AEBP2: variants seen among roughly 807,000 people sequenced by gnomAD.
AEBP2 encodes the protein AE binding protein 2, also known as zinc finger protein AEBP2.
A neutral mutation model predicts 50.8 loss-of-function variants in AEBP2; 10 were observed. The ratio of observed to expected loss-of-function variants is 0.20; its 90% CI spans 0.12 to 0.33. The LOEUF (loss-of-function observed/expected upper bound fraction) is 0.33, where lower values mean the gene tolerates loss of function less well. Ranked by LOEUF, AEBP2 falls within the 10% of genes least tolerant of loss-of-function variation. AEBP2 has a pLI of 1.00. For missense variants in AEBP2, 570 were observed against 688.0 expected, an observed-to-expected ratio of 0.83 and a Z score of 1.92; for synonymous variants, 296 against 261.3, an observed-to-expected ratio of 1.13 and a Z score of -1.28.
intron 5 of AEBP2, among the ~76,000 whole-genome samples, chr12:19,506,542 G>A (rs1949158028): frequency 6.6e-6 from 1 of 152,198 alleles, no homozygotes; most frequent in African/African-American, 2.4e-5. Flanking sequence ...CACCACCACA[G>A]TTAAGATAGA....
intron 1 of AEBP2, among the ~76,000 whole-genome samples, chr12:19,414,177 C>T (rs537232090): frequency 1.3e-5 from 2 of 152,228 alleles, no homozygotes; most frequent in South Asian, 2.1e-4. Flanking sequence ...CAGGTGTGAG[C>T]CATTGCGCCC....
At chr12:19,453,781 A>G (rs1428940068) in intron 1 of AEBP2, among the ~76,000 whole-genome samples, 1 of 151,940 alleles carries the variant, frequency 6.6e-6, no homozygotes, top group Non-Finnish European at 1.5e-5. Context: ...TGTCAGTTTT[A>G]GCATCCAGTT....
chr12:19,461,632 C>T (rs1948380305), intron 1 of AEBP2, among the ~76,000 whole-genome samples: 1 of 152,062 alleles, frequency 6.6e-6, no homozygotes, highest in South Asian at 2.1e-4. Flanking sequence ...GCCTCAGCCT[C>T]CTGAGTAGCT....
chr12:19,439,621 G>C lies in AEBP2; in HGVS notation c.-79G>C. ...GCGTCGGCGGAGTTTTGGGCGTTTG[G>C]GAGGGGGGCGAGGGAGAGAGAGTCG... On this transcript the variant is annotated 5_prime_UTR_variant, in exon 1 of 8. Transcript: ENST00000266508. The C allele has an allele frequency of 6.8e-7, 1 of 1,474,884 alleles. No individual in the cohort carries two copies. Among genetic ancestry groups the C allele is most frequent in the Admixed American group, 2.1e-5 (1 of 46,672 alleles). The allele number at this position is 1,474,884 out of a possible 1,614,324, so 91.4% of individuals were successfully genotyped here. A position where few individuals can be genotyped will look rare whatever the true frequency, so the allele number is the denominator to read the frequency against.
intron 3 of AEBP2, among the ~76,000 whole-genome samples, chr12:19,481,563 T>C (rs4963541): frequency 0.52 from 78,953 of 151,364 alleles, 21,929 homozygotes; most frequent in Non-Finnish European, 0.64. Context: ...CCTCCCACCT[T>C]CACCTCCTGG....
intron 5 of AEBP2, among the ~76,000 whole-genome samples, chr12:19,510,789 C>T (rs1949221286): frequency 6.6e-6 from 1 of 151,456 alleles, no homozygotes; most frequent in East Asian, 1.9e-4. Context: ...TTAGAGATAC[C>T]CTAATGAGAC....
chr12:19,438,338 G>T (rs1458243064), upstream of AEBP2, among the ~76,000 whole-genome samples: 2 of 152,164 alleles, frequency 1.3e-5, no homozygotes, highest in Non-Finnish European at 1.5e-5. Context: ...GGCATTCAAA[G>T]AATTGTGTGG....
rs779615599 is a variant in AEBP2, at chr12:19,440,143, C to T, written c.444C>T (p.Ser148=). The part of the protein sequence containing the change: ...RSLSPGAASS[S]SGDGDGKEGL... ...TGAGCCCCGGCGCCGCCAGCAGCAG[C>T]AGCGGGGATGGGGACGGCAAGGAGG... is the stretch of plus-strand genomic sequence containing the variant. The change falls in exon 1 of 8, where the codon AGC becomes AGT. Residue 148 remains serine, a synonymous_variant. Transcript: ENST00000266508. The T allele has an allele frequency of 1.2e-5, 18 of 1,505,444 alleles. No homozygotes were observed. Among genetic ancestry groups the T allele is most frequent in the Non-Finnish European group, 1.5e-5 (17 of 1,133,926 alleles). The allele number at this position is 1,505,444 out of a possible 1,614,324, so 93.3% of individuals were successfully genotyped here. A position where few individuals can be genotyped will look rare whatever the true frequency, so the allele number is the denominator to read the frequency against.
chr12:19,433,579 A>C (rs1308629175), intron 1 of AEBP2, among the ~76,000 whole-genome samples: 1 of 152,018 alleles, frequency 6.6e-6, no homozygotes, highest in African/African-American at 2.4e-5. Flanking sequence ...CAGGAGTTTG[A>C]GACCAGCCTG....
chr12:19,435,303 C>T (rs944752540), upstream of AEBP2, among the ~76,000 whole-genome samples: 28 of 146,154 alleles, frequency 1.9e-4, no homozygotes, highest in African/African-American at 6.6e-4. Context: ...TTTCTTGAGA[C>T]GGTGTCATGC....
At position 19,521,177 on chromosome 12, in the gene AEBP2, T is replaced by C. The variant is rs1949392156; in HGVS notation, c.*3060T>C. 6.6e-6 allele frequency: 1 copy of C among 152,194 alleles called. No individual in the cohort carries two copies. The highest frequency in any genetic ancestry group is 1.5e-5 in the Non-Finnish European group (1 of 68,036). 9.4% of individuals were successfully genotyped at this position (152,194 alleles called of 1,614,324 possible). ...AAAAGTTTTCGATTCCTTTGTCTAG[T>C]TGACAAAAAGTTTGGAAACATAAAC... is the stretch of plus-strand genomic sequence containing the variant. On this transcript the variant is annotated 3_prime_UTR_variant, in exon 8 of 8. Transcript: ENST00000266508.
At chr12:19,465,065 A>G (rs1458167427) in intron 2 of AEBP2, among the ~76,000 whole-genome samples, 1 of 152,086 alleles carries the variant, frequency 6.6e-6, no homozygotes, top group Non-Finnish European at 1.5e-5. Flanking sequence ...ATATCACTTG[A>G]TTACCAATAA....
chr12:19,463,764 C>A (rs923019805), intron 2 of AEBP2, among the ~76,000 whole-genome samples: 1 of 150,066 alleles, frequency 6.7e-6, no homozygotes, highest in African/African-American at 2.5e-5. Flanking sequence ...GCCTCTGCCC[C>A]AAGTGATTCT....
At chr12:19,459,144 A>G (rs1056882206) in intron 1 of AEBP2, among the ~76,000 whole-genome samples, 4 of 152,360 alleles carry the variant, frequency 2.6e-5, no homozygotes, top group African/African-American at 9.6e-5. Flanking sequence ...TGTGCTTTAC[A>G]GTTGAATGTT....
intron 3 of AEBP2, among the ~76,000 whole-genome samples, chr12:19,481,028 G>A (rs968126827): frequency 6.7e-5 from 10 of 148,560 alleles, no homozygotes; most frequent in African/African-American, 2.2e-4. Context: ...GGGTTATTTC[G>A]AAAGCCTTGT....
Position 19,481,033 on chromosome 12 carries a change from C to T in AEBP2, c.987+7678C>T, listed in dbSNP as rs557251952. On this transcript the variant is annotated intron_variant, in intron 3 of 7. Transcript: ENST00000266508. ...TTGTCTGATTGGGTTATTTCGAAAG[C>T]CTTGTCTTTGAGCTCTGAAATTCTT... Among the ~76,000 whole-genome samples, 73 of 149,700 alleles carry T rather than the reference C, an allele frequency of 4.9e-4. No homozygotes were observed. The South Asian group carries it at 0.015, about 30-fold the overall frequency.
At chr12:19,503,430 A>C (rs186663873) in intron 5 of AEBP2, among the ~76,000 whole-genome samples, 1,809 of 152,018 alleles carry the variant, frequency 0.012, 42 homozygotes, top group African/African-American at 0.041. Flanking sequence ...TAGAAATGCT[A>C]CTGATTTTTG....
At chr12:19,446,524 T>G (rs1355797298) in intron 1 of AEBP2, among the ~76,000 whole-genome samples, 2 of 151,972 alleles carry the variant, frequency 1.3e-5, no homozygotes, top group African/African-American at 4.8e-5. Context: ...GGTCAGGAGA[T>G]CAAGACCATC....
chr12:19,431,899 C>T (rs1025450525), intron 1 of AEBP2, among the ~76,000 whole-genome samples: 1 of 152,088 alleles, frequency 6.6e-6, no homozygotes, highest in African/African-American at 2.4e-5. Context: ...AATAAAGGAG[C>T]CTAAAATAAA....
Sources: allele counts gnomAD v4.1 joint callset (sites outside exome capture counted in the v4.1 genomes callset), GRCh38; gene constraint gnomAD v4.1.1; transcripts MANE v1.5; gene names NCBI Gene and HGNC (gene_info 2026-07-23, HGNC 2026-07-21).